OPA1: variants seen among roughly 807,000 people sequenced by gnomAD.
OPA1 encodes the protein OPA1 mitochondrial dynamin like GTPase, also known as dynamin-like GTPase OPA1, mitochondrial.
In OPA1, 59 loss-of-function variants were observed where a neutral mutation model predicts 152.9. The ratio of observed to expected loss-of-function variants is 0.39; its 90% CI spans 0.31 to 0.48. OPA1 has a LOEUF of 0.48. Among genes scored for constraint, OPA1 ranks in the 20% least tolerant of loss-of-function variants. The pLI is 0.96. For missense variants in OPA1, 1,008 were observed against 1,216.8 expected, an observed-to-expected ratio of 0.83 and a Z score of 2.55; for synonymous variants, 400 against 389.9, an observed-to-expected ratio of 1.03 and a Z score of -0.31.
At chr3:193,634,207 A>G (rs1001200474) in intron 8 of OPA1, among the ~76,000 whole-genome samples, 2 of 152,058 alleles carry the variant, frequency 1.3e-5, no homozygotes, top group South Asian at 2.1e-4. Flanking sequence ...TAGAGAAGAA[A>G]TAAAAGCTGG....
rs965196649 is a variant in OPA1 at position 193,695,065 on chromosome 3, A to G, written c.*465A>G. 4 of 152,234 alleles carry G rather than the reference A, an allele frequency of 2.6e-5. No individual in the cohort carries two copies. Among genetic ancestry groups the G allele is most frequent in the Non-Finnish European group, 5.9e-5 (4 of 68,032 alleles). 9.4% of individuals were successfully genotyped at this position (152,234 alleles called of 1,614,324 possible). A position where few individuals can be genotyped will look rare whatever the true frequency, so the allele number is the denominator to read the frequency against. On this transcript the variant is annotated 3_prime_UTR_variant, in exon 31 of 31. Transcript: ENST00000361510. The stretch of plus-strand genomic sequence containing the variant: ...TCACAGTAGCCTGCTAAATCATTGT[A>G]TGTGTCTGTAGTATTCTATTCCCAG...
At chr3:193,668,718 A>G (rs746912431) in intron 29 of OPA1, 15 of 1,324,914 alleles carry the variant, frequency 1.1e-5, no homozygotes, top group Middle Eastern at 2.6e-4. Flanking sequence ...TAACACCTGC[A>G]GTAGGCTACC....
At chr3:193,670,141 A>G (rs1323377627) in intron 29 of OPA1, among the ~76,000 whole-genome samples, 1 of 152,126 alleles carries the variant, frequency 6.6e-6, no homozygotes, top group African/African-American at 2.4e-5. Context: ...TCAGCCAGAA[A>G]ACTTTCCAAA....
intron 22 of OPA1, among the ~76,000 whole-genome samples, chr3:193,656,845 A>G (rs1057101572): frequency 6.6e-6 from 1 of 152,190 alleles, no homozygotes; most frequent in African/African-American, 2.4e-5. Flanking sequence ...AAAAATGAGA[A>G]CCGCTATACA....
rs564731209 is a variant in OPA1 at position 193,610,728 on chromosome 3, C to T, written c.33-3995C>T. On this transcript the variant is annotated intron_variant, in intron 1 of 30. Transcript: ENST00000361510. ...TGCTTTTTTTACCTGCTCAAGCCTC[C>T]GCAATGGCGGGCACCCCTCCCCCAG... Among the ~76,000 whole-genome samples the T allele has an allele frequency of 4.6e-3, 698 of 151,966 alleles. 4 individuals are homozygous for T. The highest frequency in any genetic ancestry group is 0.016 in the African/African-American group (664 of 41,530).
intron 29 of OPA1, among the ~76,000 whole-genome samples, chr3:193,675,021 A>G (rs540521589): frequency 6.6e-6 from 1 of 152,282 alleles, no homozygotes; most frequent in South Asian, 2.1e-4. Context: ...GCATAGCAAG[A>G]CAATTTTTCA....
intron 29 of OPA1, among the ~76,000 whole-genome samples, chr3:193,682,119 C>T (rs777200632): frequency 9.2e-5 from 14 of 152,140 alleles, no homozygotes; most frequent in Admixed American, 4.6e-4. Flanking sequence ...AGTGAACACA[C>T]GAATGATAAA....
At chr3:193,665,512 T>C (rs1716327247) in intron 27 of OPA1, among the ~76,000 whole-genome samples, 1 of 152,138 alleles carries the variant, frequency 6.6e-6, no homozygotes, top group African/African-American at 2.4e-5. Flanking sequence ...AAATCTTGTT[T>C]TAAATAATCA....
intron 21 of OPA1, among the ~76,000 whole-genome samples, chr3:193,652,363 C>T (rs143764079): frequency 0.019 from 2,770 of 149,696 alleles, 46 homozygotes; most frequent in Non-Finnish European, 0.028. Flanking sequence ...GCCTGGGTGA[C>T]AGAGTGAGAC....
intron 13 of OPA1, 143 bp from the exon 14 acceptor site, chr3:193,643,230 A>T (rs1734045766): frequency 1.2e-6 from 1 of 868,920 alleles, no homozygotes; most frequent in African/African-American, 1.7e-5. Flanking sequence ...TACTTTTAGG[A>T]TCAGAGAAAG....
At chr3:193,663,015 GC>G in intron 26 of OPA1, 53 bp downstream of exon 26, 1 of 1,581,800 alleles carries the variant, frequency 6.3e-7, no homozygotes, top group Admixed American at 1.7e-5. Context: ...TTTGTTTCTT[GC>G]AGTAAATGTT....
chr3:193,685,756 A>T (rs1720852596), intron 29 of OPA1, among the ~76,000 whole-genome samples: 1 of 152,232 alleles, frequency 6.6e-6, no homozygotes, highest in South Asian at 2.1e-4. Flanking sequence ...AAATAAAAAG[A>T]TACTAAGGAA....
At chr3:193,610,842 G>A (rs749377875) in intron 1 of OPA1, among the ~76,000 whole-genome samples, 4 of 152,232 alleles carry the variant, frequency 2.6e-5, no homozygotes, top group Non-Finnish European at 5.9e-5. Flanking sequence ...AGCCAGGCGC[G>A]GGATATAGTC....
intron 1 of OPA1, among the ~76,000 whole-genome samples, chr3:193,602,285 T>C (rs998146717): frequency 2.6e-5 from 4 of 152,180 alleles, no homozygotes; most frequent in African/African-American, 9.6e-5. Context: ...TTCTCTGCAC[T>C]GTGGGTGGTA....
intron 1 of OPA1, among the ~76,000 whole-genome samples, chr3:193,609,433 G>A (rs559765935): frequency 1.6e-4 from 24 of 152,280 alleles, no homozygotes; most frequent in Admixed American, 2.6e-4. Flanking sequence ...GCTTCCCTTT[G>A]TGGGTAACCT....
At chr3:193,608,911 G>A (rs1483802426) in intron 1 of OPA1, among the ~76,000 whole-genome samples, 4 of 152,032 alleles carry the variant, frequency 2.6e-5, no homozygotes, top group Admixed American at 2.6e-4. Context: ...TATATATTTA[G>A]GATAGTTAGC....
chr3:193,626,437 C>T (rs536237730), intron 7 of OPA1, among the ~76,000 whole-genome samples: 113 of 152,208 alleles, frequency 7.4e-4, no homozygotes, highest in Non-Finnish European at 1.3e-3. Context: ...ATTAGGTTGT[C>T]TGTAGGGTCC....
chr3:193,607,939 A>T (rs953704436), intron 1 of OPA1, among the ~76,000 whole-genome samples: 4 of 152,048 alleles, frequency 2.6e-5, no homozygotes, highest in African/African-American at 9.7e-5. Flanking sequence ...TATTTCCTTG[A>T]GCAGTGGTTT....
intron 7 of OPA1, among the ~76,000 whole-genome samples, chr3:193,627,909 A>G (rs1157358000): frequency 6.6e-6 from 1 of 152,186 alleles, no homozygotes; most frequent in Non-Finnish European, 1.5e-5. Context: ...TAGAGCACCA[A>G]ACATGGCTTG....
Sources: allele counts gnomAD v4.1 joint callset (sites outside exome capture counted in the v4.1 genomes callset), GRCh38; gene constraint gnomAD v4.1.1; transcripts MANE v1.5; gene names NCBI Gene and HGNC (gene_info 2026-07-23, HGNC 2026-07-21).